SSRP1: variants seen among roughly 807,000 people sequenced by gnomAD.
The protein encoded by SSRP1 is structure specific recognition protein 1, also known as FACT complex subunit SSRP1.
A neutral mutation model predicts 84.4 loss-of-function variants in SSRP1; 21 were observed. That is an observed-to-expected ratio of 0.25 (90% confidence interval 0.18 to 0.36). The LOEUF is 0.36. Ranked by LOEUF, SSRP1 falls within the 10% of genes least tolerant of loss-of-function variation. The pLI is 1.00. For missense variants in SSRP1, 519 were observed against 900.8 expected (o/e 0.58, Z 5.43); for synonymous variants, 319 against 318.3 (o/e 1.00, Z -0.02).
chr11:57,326,880 T>C lies in SSRP1; in HGVS notation c.1881A>G (p.Ser627=). 2 of 1,606,114 alleles carry C rather than the reference T, an allele frequency of 1.2e-6. No individual in the cohort carries two copies. The highest frequency in any genetic ancestry group is 1.3e-5 in the African/African-American group (1 of 74,814). ...TTACCTTTACTTTCTTCTTCTTCTT[T>C]GACTTGTCCCTGTATTGGCAAGAGG... is the stretch of plus-strand genomic sequence containing the variant. ...GRGESSKRDK[S]KKKKKVKVKM... The change falls in exon 16 of 17, where the codon TCA becomes TCG. Residue 627 remains serine (S), a synonymous_variant. Coordinates refer to ENST00000278412, the MANE Select transcript of SSRP1 (RefSeq NM_003146.3).
In SSRP1 at chr11:57,335,082, C is replaced by T. The variant is rs776365210; in HGVS notation, c.40G>A (p.Val14Met). The T allele has an allele frequency of 1.2e-6, 2 of 1,614,168 alleles. No homozygotes were observed. Among genetic ancestry groups the T allele is most frequent in the Non-Finnish European group, 1.7e-6 (2 of 1,179,990 alleles). ...GCCATTCTCACCATGGAACCTTTCACCTCCTGATAGACGTCGTTGAACTCC... is the reference window on the plus strand; with the variant it reads ...GCCATTCTCACCATGGAACCTTTCATCTCCTGATAGACGTCGTTGAACTCC... Reference protein sequence around the residue: ...TLEFNDVYQEVKGSMNDGRLR... With the variant: ...TLEFNDVYQEMKGSMNDGRLR... The change falls in exon 2 of 17, where the codon GTG becomes ATG. Residue 14 changes from valine to methionine, a missense_variant. Physicochemically the swap from Val to Met is conservative, Grantham distance 21 (BLOSUM62 1). Coordinates refer to ENST00000278412, the MANE Select transcript of SSRP1 (RefSeq NM_003146.3). The surrounding 1 kb of genome is among the most constrained non-coding windows in gnomAD (Gnocchi z 4.6).
In SSRP1 at chr11:57,332,430, G is replaced by A. The variant is rs1856112262; in HGVS notation, c.825C>T (p.Leu275=). The change falls in exon 7 of 17, where the codon CTC becomes CTT. Residue 275 remains leucine, a synonymous_variant. Transcript: ENST00000278412. The surrounding 1 kb of genome is among the most constrained non-coding windows in gnomAD (Gnocchi z 5.5). The part of the protein sequence containing the change: ...QGQTRYHFLI[L]LFSKDEDISL... ...AAATGTCCTCGTCCTTGGAGAAGAG[G>A]AGGATCAGGAAGTGGTAGCGAGTTT... The A allele has an allele frequency of 2.5e-6, 4 of 1,614,028 alleles. No homozygotes were observed. The South Asian group carries it at 3.3e-5, about 13-fold the overall frequency.
At chr11:57,331,948 T>C (rs1856100543) in intron 8 of SSRP1, 59 bp from the exon 9 acceptor site, 1 of 1,541,006 alleles carries the variant, frequency 6.5e-7, no homozygotes, top group Non-Finnish European at 8.9e-7. Context: ...AAAGGGCGTA[T>C]CTAGCAGCAG....
At position 57,335,311 on chromosome 11, in the gene SSRP1, G is replaced by A. The variant is rs1856190283; in HGVS notation, c.-119-71C>T. On this transcript the variant is annotated intron_variant, in intron 1 of 16. Transcript: ENST00000278412. The surrounding 1 kb of genome is among the most constrained non-coding windows in gnomAD (Gnocchi z 4.6). ...CTGTGCTCACGGATGGAGCCAGGTA[G>A]CAACTCCCAGCTGCGCCTGGATGTC... The A allele has an allele frequency of 1.6e-6, 1 of 611,366 alleles. No homozygotes were observed. The highest frequency in any genetic ancestry group is 2.6e-5 in the Admixed American group (1 of 38,904). The allele number at this position is 611,366 out of a possible 1,614,324, so 37.9% of individuals were successfully genotyped here. A position where few individuals can be genotyped will look rare whatever the true frequency, so the allele number is the denominator to read the frequency against.
Position 57,326,745 on chromosome 11 carries a change from A to G in SSRP1, c.2016T>C (p.Ser672=). 1 of 1,614,192 alleles carries G rather than the reference A, an allele frequency of 6.2e-7. No homozygotes were observed. The highest frequency in any genetic ancestry group is 8.5e-7 in the Non-Finnish European group (1 of 1,180,032). ...SKEFVSSDES[S]SGENKSKKKR... Reference sequence around the variant, plus strand: ...TCTTTTTGCTCTTGTTCTCTCCCGAAGAGCTCTCATCACTAGACACAAACT... The same window carrying G: ...TCTTTTTGCTCTTGTTCTCTCCCGAGGAGCTCTCATCACTAGACACAAACT... Residue 672 remains serine (S), a synonymous_variant, in exon 16 of 17, where the codon TCT becomes TCC. Transcript: ENST00000278412.
Position 57,334,486 on chromosome 11 carries a change from T to G in SSRP1, c.217A>C (p.Lys73Gln). ...KLLTKNGHVY[K>Q]YDGFRESEFE... ...ACCGATTCTCGGAAGCCATCATACT[T>G]GTAGACATGGCCATTCTTTGTAAGC... Residue 73 changes from lysine (K) to glutamine (Q), a missense_variant, in exon 3 of 17, where the codon AAG becomes CAG. Physicochemically the swap from Lys to Gln is moderately conservative, Grantham distance 53 (BLOSUM62 1). Around this residue, in one of 7 missense-constraint regions of SSRP1, gnomAD observed 88 missense variants for 122.0 expected, o/e 0.72. Transcript: ENST00000278412. 6.2e-7 allele frequency: 1 copy of G among 1,614,256 alleles called. No homozygotes were observed. Among genetic ancestry groups the G allele is most frequent in the South Asian group, 1.1e-5 (1 of 91,086 alleles).
At chr11:57,327,368 TAAAAA>T (rs879223950) in intron 15 of SSRP1, 53 bp downstream of exon 15, 3 of 1,300,202 alleles carry the variant, frequency 2.3e-6, no homozygotes, top group Admixed American at 3.9e-5. Context: ...TTCGGCCTGT[TAAAAA>T]AAAAAAAGTC....
At position 57,327,837 on chromosome 11, in the gene SSRP1, C is replaced by T; in HGVS notation, c.1657G>A (p.Ala553Thr). ...DPNAPKRPMS[A>T]YMLWLNASRE... ...CTGGCATTGAGCCACAGCATGTATG[C>T]AGACATGGGCCTCTTGGGGGCATTG... The change falls in exon 14 of 17, where the codon GCA becomes ACA. Residue 553 changes from alanine (A) to threonine (T), a missense_variant. Physicochemically the swap from Ala to Thr is moderately conservative, Grantham distance 58. Around this residue, in one of 7 missense-constraint regions of SSRP1, gnomAD observed 197 missense variants for 265.0 expected, o/e 0.74. Coordinates refer to ENST00000278412, the MANE Select transcript of SSRP1 (RefSeq NM_003146.3). The T allele has an allele frequency of 6.2e-7, 1 of 1,614,172 alleles. No homozygotes were observed. The highest frequency in any genetic ancestry group is 8.5e-7 in the Non-Finnish European group (1 of 1,180,024).
chr11:57,333,224 G>T, intron 4 of SSRP1, 75 bp from the exon 5 acceptor site: 1 of 1,485,560 alleles, frequency 6.7e-7, no homozygotes, highest in Non-Finnish European at 9.2e-7. Flanking sequence ...ACCAAACTGA[G>T]TTCCACAGAG....
Position 57,330,667 on chromosome 11 carries a change from T to C in SSRP1, c.1296+188A>G. 6.9e-7 allele frequency: 1 copy of C among 1,452,182 alleles called. No homozygotes were observed. Among genetic ancestry groups the C allele is most frequent in the South Asian group, 1.5e-5 (1 of 68,018 alleles). The allele number at this position is 1,452,182 out of a possible 1,614,324, so 90.0% of individuals were successfully genotyped here. ...GCCCCACTGGGGGCTCCTGAGGGGC[T>C]GCATAGACTGGTCTAAGGTCATGCA... On this transcript the variant is annotated intron_variant, in intron 10 of 16. Coordinates refer to ENST00000278412, the MANE Select transcript of SSRP1 (RefSeq NM_003146.3). The surrounding 1 kb of genome is among the most constrained non-coding windows in gnomAD (Gnocchi z 4.0).
At chr11:57,326,622 A>G in intron 16 of SSRP1, 81 bp downstream of exon 16, 1 of 1,576,398 alleles carries the variant, frequency 6.3e-7, no homozygotes, top group Non-Finnish European at 8.6e-7. Flanking sequence ...ACTCCAACTC[A>G]TTACTCTTAC....
At position 57,330,735 on chromosome 11, in the gene SSRP1, C is replaced by CT; in HGVS notation, c.1296+119dup. The CT allele has an allele frequency of 6.5e-7, 1 of 1,544,644 alleles. No individual in the cohort carries two copies. Among genetic ancestry groups the CT allele is most frequent in the South Asian group, 1.2e-5 (1 of 82,314 alleles). ...GAGGGGGAAAGGGTCACACGCACCT[C>CT]TTTTTTCTATAAGGGTAAGAAGAGA... On this transcript the variant is annotated intron_variant, in intron 10 of 16. Coordinates refer to ENST00000278412, the MANE Select transcript of SSRP1 (RefSeq NM_003146.3). The surrounding 1 kb of genome is among the most constrained non-coding windows in gnomAD (Gnocchi z 4.0).
Position 57,327,417 on chromosome 11 carries a change from G to A in SSRP1, c.1871+9C>T, listed in dbSNP as rs201762237. The A allele has an allele frequency of 7.4e-6, 12 of 1,612,320 alleles. No homozygotes were observed. The highest frequency in any genetic ancestry group is 5.4e-5 in the African/African-American group (4 of 74,694). On this transcript the variant is annotated intron_variant, in intron 15 of 16. Coordinates refer to ENST00000278412, the MANE Select transcript of SSRP1 (RefSeq NM_003146.3). Reference sequence around the variant, plus strand: ...AAATCAGTGACTGGGCCATGTTCTCGACACTCACCTCTTAGAAGACTCGCC... The same window carrying A: ...AAATCAGTGACTGGGCCATGTTCTCAACACTCACCTCTTAGAAGACTCGCC...
Position 57,334,494 on chromosome 11 carries a change from T to C in SSRP1, c.209A>G (p.His70Arg). ...HGLKLLTKNG[H>R]VYKYDGFRES... is the part of the protein sequence containing the mutation. ...TCGGAAGCCATCATACTTGTAGACA[T>C]GGCCATTCTTTGTAAGCAGTTTAAG... is the stretch of plus-strand genomic sequence containing the variant. The change falls in exon 3 of 17, where the codon CAT (histidine) becomes CGT (arginine). Residue 70 changes from histidine (H) to arginine (R), a missense_variant. This residue lies in a region of SSRP1 where 88 missense variants were observed against 122.0 expected (regional missense o/e 0.72). Transcript: ENST00000278412. 4 of 1,614,254 alleles carry C rather than the reference T, an allele frequency of 2.5e-6. No homozygotes were observed. The highest frequency in any genetic ancestry group is 3.4e-6 in the Non-Finnish European group (4 of 1,180,046).
Position 57,327,842 on chromosome 11 carries a change from A to G in SSRP1, c.1652T>C (p.Met551Thr), listed in dbSNP as rs1295107443. 1.1e-5 allele frequency: 18 copies of G among 1,614,012 alleles called. No individual in the cohort carries two copies. The highest frequency in any genetic ancestry group is 1.4e-5 in the Non-Finnish European group (17 of 1,180,036). ...ATTGAGCCACAGCATGTATGCAGAC[A>G]TGGGCCTCTTGGGGGCATTGGGGTC... ...GKDPNAPKRP[M>T]SAYMLWLNAS... Residue 551 changes from methionine to threonine, a missense_variant, in exon 14 of 17, where the codon ATG (methionine) becomes ACG (threonine). Around this residue, in one of 7 missense-constraint regions of SSRP1, gnomAD observed 197 missense variants for 265.0 expected, o/e 0.74. Coordinates refer to ENST00000278412, the MANE Select transcript of SSRP1 (RefSeq NM_003146.3).
intron 12 of SSRP1, 100 bp from the exon 13 acceptor site, chr11:57,328,526 G>A: frequency 6.6e-7 from 1 of 1,503,838 alleles, no homozygotes; most frequent in Non-Finnish European, 8.9e-7. Flanking sequence ...CACCCAAAAG[G>A]GGCAAGGGAG....
Position 57,327,416 on chromosome 11 carries a change from C to T in SSRP1, c.1871+10G>A, listed in dbSNP as rs373247723. Reference sequence around the variant, plus strand: ...AAAATCAGTGACTGGGCCATGTTCTCGACACTCACCTCTTAGAAGACTCGC... The same window carrying T: ...AAAATCAGTGACTGGGCCATGTTCTTGACACTCACCTCTTAGAAGACTCGC... On this transcript the variant is annotated intron_variant, in intron 15 of 16. Coordinates refer to ENST00000278412, the MANE Select transcript of SSRP1 (RefSeq NM_003146.3). 5.0e-5 allele frequency: 80 copies of T among 1,613,506 alleles called. No individual in the cohort carries two copies. The highest frequency in any genetic ancestry group is 6.2e-5 in the Non-Finnish European group (73 of 1,179,710).
Position 57,332,997 on chromosome 11 carries a change from C to A in SSRP1, c.499G>T (p.Val167Phe). 6.2e-7 allele frequency: 1 copy of A among 1,613,716 alleles called. No individual in the cohort carries two copies. Among genetic ancestry groups the A allele is most frequent in the Non-Finnish European group, 8.5e-7 (1 of 1,179,788 alleles). ...EVSLMEVRFY[V>F]PPTQEDGVDP... Reference sequence around the variant, plus strand: ...ACACCATCCTCCTGGGTGGGTGGGACGTAGAAGCGCACCTCCATGAGAGAC... The same window carrying A: ...ACACCATCCTCCTGGGTGGGTGGGAAGTAGAAGCGCACCTCCATGAGAGAC... The change falls in exon 5 of 17, where the codon GTC (valine) becomes TTC (phenylalanine). Residue 167 changes from valine (V) to phenylalanine (F), a missense_variant. Transcript: ENST00000278412. This position sits in a 1 kb window ranked among gnomAD's most constrained non-coding sequence, Gnocchi z 5.5.
Position 57,332,972 on chromosome 11 carries a change from A to G in SSRP1, c.524T>C (p.Val175Ala). ...FYVPPTQEDG[V>A]DPVEAFAQNV... Reference sequence around the variant, plus strand: ...GGGAAGCCTCACCTCAACAGGGTCCACACCATCCTCCTGGGTGGGTGGGAC... The same window carrying G: ...GGGAAGCCTCACCTCAACAGGGTCCGCACCATCCTCCTGGGTGGGTGGGAC... The change falls in exon 5 of 17, where the codon GTG becomes GCG. Residue 175 changes from valine (V) to alanine (A), a missense_variant. By Grantham distance (64) the Val-to-Ala change is moderately conservative (BLOSUM62 0). Coordinates refer to ENST00000278412, the MANE Select transcript of SSRP1 (RefSeq NM_003146.3). This position sits in a 1 kb window ranked among gnomAD's most constrained non-coding sequence, Gnocchi z 5.5. 1 of 1,612,424 alleles carries G rather than the reference A, an allele frequency of 6.2e-7. No individual in the cohort carries two copies. Among genetic ancestry groups the G allele is most frequent in the South Asian group, 1.1e-5 (1 of 90,800 alleles).
Sources: gnomAD v4.1 joint callset for allele counts on GRCh38, gnomAD v4.1.1 for gene constraint, gnomAD v4.1.1 regional missense constraint, Gnocchi (gnomAD v3.1) non-coding constraint, MANE v1.5 for transcripts, NCBI Gene and HGNC (gene_info 2026-07-23, HGNC 2026-07-21) for gene names.